MTHFD2L: variants seen among roughly 807,000 people sequenced by gnomAD.
MTHFD2L encodes the protein bifunctional methylenetetrahydrofolate dehydrogenase/cyclohydrolase 2, mitochondrial.
MTHFD2L carries 29 observed loss-of-function variants against 34.9 expected under a neutral mutation model. That is an observed-to-expected ratio of 0.83 (90% CI 0.62 to 1.13). The LOEUF is 1.13. MTHFD2L is among the 50% of genes most tolerant of loss of function. The pLI is 0.00. For synonymous variants in MTHFD2L, 167 were observed against 155.7 expected (o/e 1.07, Z -0.54); for missense variants, 481 against 446.5 (o/e 1.08, Z -0.70).
chr4:74,150,444 G>A (rs7687073), intron 1 of MTHFD2L, among the ~76,000 whole-genome samples: 3,630 of 152,270 alleles, frequency 0.024, 137 homozygotes, highest in African/African-American at 0.081. Context: ...AGTAGAGACG[G>A]TGTTTCTCTA....
At position 74,175,365 on chromosome 4, in the gene MTHFD2L, C is replaced by T; in HGVS notation, c.413C>T (p.Pro138Leu). Reference sequence around the variant, plus strand: ...GTAACTGATCAATTGAATATGGACCCAAGAGTCAGCGGTATATTAGTTCAG... The same window carrying T: ...GTAACTGATCAATTGAATATGGACCTAAGAGTCAGCGGTATATTAGTTCAG... The part of the protein sequence containing the change: ...LDVTDQLNMD[P>L]RVSGILVQLP... The change falls in exon 3 of 8, where the codon CCA (proline) becomes CTA (leucine). Residue 138 changes from proline (P) to leucine (L), a missense_variant. Physicochemically the swap from Pro to Leu is moderately conservative, Grantham distance 98 (BLOSUM62 -3). Transcript: ENST00000325278. 6.2e-7 allele frequency: 1 copy of T among 1,612,700 alleles called. No homozygotes were observed. The highest frequency in any genetic ancestry group is 8.5e-7 in the Non-Finnish European group (1 of 1,179,126).
At chr4:74,129,799 GT>G (rs534420972) in intron 1 of MTHFD2L, among the ~76,000 whole-genome samples, 3 of 151,534 alleles carry the variant, frequency 2.0e-5, no homozygotes, top group African/African-American at 4.8e-5. Context: ...TCCTGGAGCT[GT>G]TTTTTTTGAA....
At chr4:74,284,667 T>G (rs891461068) in intron 7 of MTHFD2L, among the ~76,000 whole-genome samples, 2 of 152,068 alleles carry the variant, frequency 1.3e-5, no homozygotes, top group African/African-American at 4.8e-5. Flanking sequence ...TCTTTTGCTG[T>G]GCAGAAGCTC....
At chr4:74,156,254 A>T (rs186471734), upstream of MTHFD2L, among the ~76,000 whole-genome samples, 19 of 152,224 alleles carry the variant, frequency 1.2e-4, no homozygotes, top group East Asian at 3.7e-3. Flanking sequence ...CTATCTTCTT[A>T]ACCTTTGGCA....
chr4:74,201,404 G>T (rs757410370), intron 5 of MTHFD2L, 34 bp downstream of exon 5: 5 of 1,470,812 alleles, frequency 3.4e-6, no homozygotes, highest in Admixed American at 1.8e-5. Flanking sequence ...ACACTCTCTC[G>T]CAGTATTCTT....
At chr4:74,239,341 G>A (rs958897735) in intron 6 of MTHFD2L, among the ~76,000 whole-genome samples, 6 of 152,000 alleles carry the variant, frequency 3.9e-5, no homozygotes, top group Admixed American at 1.3e-4. Flanking sequence ...GTCGTAGTTT[G>A]GGGGGGCAGA....
intron 6 of MTHFD2L, among the ~76,000 whole-genome samples, chr4:74,275,077 G>T (rs2110257827): frequency 6.6e-6 from 1 of 152,096 alleles, no homozygotes; most frequent in South Asian, 2.1e-4. Context: ...CCCTGCATAG[G>T]TTAGCTATTT....
chr4:74,300,071 A>G (rs1750105204), intron 7 of MTHFD2L, among the ~76,000 whole-genome samples: 1 of 152,066 alleles, frequency 6.6e-6, no homozygotes, highest in African/African-American at 2.4e-5. Context: ...TTGAATGGCT[A>G]TTGACCCATT....
upstream of MTHFD2L, among the ~76,000 whole-genome samples, chr4:74,155,920 A>C (rs1724213780): frequency 1.3e-5 from 2 of 152,128 alleles, no homozygotes; most frequent in Admixed American, 6.5e-5. Context: ...AAAAAAAAAA[A>C]AAAACACTTT....
At chr4:74,267,332 T>G in intron 6 of MTHFD2L, 2 of 657,722 alleles carry the variant, frequency 3.0e-6, no homozygotes, top group Non-Finnish European at 3.8e-6. Flanking sequence ...TCTCTCTTTC[T>G]TTCTTCCTTT....
intron 7 of MTHFD2L, among the ~76,000 whole-genome samples, chr4:74,283,243 G>A (rs1747725174): frequency 6.6e-6 from 1 of 151,934 alleles, no homozygotes; most frequent in Non-Finnish European, 1.5e-5. Flanking sequence ...GTATTTTTTT[G>A]GTCTCATGTC....
In MTHFD2L at chr4:74,200,085, A is replaced by G. The variant is rs559683536; in HGVS notation, c.604+139A>G. 1.1e-3 allele frequency: 743 copies of G among 672,342 alleles called. 17 individuals are homozygous for G. The South Asian group carries it at 0.021, about 19-fold the overall frequency. 41.6% of individuals were successfully genotyped at this position (672,342 alleles called of 1,614,324 possible). A position where few individuals can be genotyped will look rare whatever the true frequency, so the allele number is the denominator to read the frequency against. On this transcript the variant is annotated intron_variant, in intron 4 of 7. Coordinates refer to ENST00000325278, the MANE Select transcript of MTHFD2L (RefSeq NM_001144978.3). ...ATAAAACGTCAGTGTACAGAGAGAT[A>G]TAAAATTGTAGAAGTCAAAACATAA...
intron 6 of MTHFD2L, among the ~76,000 whole-genome samples, chr4:74,255,246 G>A (rs1163346091): frequency 1.3e-5 from 2 of 151,482 alleles, no homozygotes; most frequent in African/African-American, 2.4e-5. Flanking sequence ...AAGTTAAAGT[G>A]TAGAGGTTTT....
At chr4:74,229,501 T>G (rs1465611172) in intron 6 of MTHFD2L, among the ~76,000 whole-genome samples, 4 of 152,116 alleles carry the variant, frequency 2.6e-5, no homozygotes, top group Non-Finnish European at 5.9e-5. Flanking sequence ...GGAGGAGGAT[T>G]GCGTGATATA....
chr4:74,230,087 A>T (rs1299072061), intron 6 of MTHFD2L, among the ~76,000 whole-genome samples: 1 of 152,216 alleles, frequency 6.6e-6, no homozygotes, highest in Non-Finnish European at 1.5e-5. Flanking sequence ...TTTAGCCGAT[A>T]TAATCTAATT....
chr4:74,127,727 C>G (rs1722180250), intron 1 of MTHFD2L, among the ~76,000 whole-genome samples: 1 of 152,088 alleles, frequency 6.6e-6, no homozygotes, highest in African/African-American at 2.4e-5. Flanking sequence ...GCAGATACCT[C>G]TTTGATATAC....
chr4:74,290,246 A>C (rs1358789652), intron 7 of MTHFD2L, among the ~76,000 whole-genome samples: 2 of 152,190 alleles, frequency 1.3e-5, no homozygotes, highest in Non-Finnish European at 2.9e-5. Context: ...AATTACATAG[A>C]AGCTCAGTAT....
chr4:74,295,767 T>TAA (rs1375835528), intron 7 of MTHFD2L, among the ~76,000 whole-genome samples: 1 of 152,148 alleles, frequency 6.6e-6, no homozygotes. Flanking sequence ...CTGGCCTTCT[T>TAA]ACAGTGTTTC....
At chr4:74,151,164 T>C (rs1175856516) in intron 1 of MTHFD2L, among the ~76,000 whole-genome samples, 2 of 152,142 alleles carry the variant, frequency 1.3e-5, no homozygotes, top group African/African-American at 4.8e-5. Flanking sequence ...TTTATACAGT[T>C]AATGGTATTA....
Sources: allele counts gnomAD v4.1 joint callset (sites outside exome capture counted in the v4.1 genomes callset), GRCh38; gene constraint gnomAD v4.1.1; transcripts MANE v1.5; gene names NCBI Gene and HGNC (gene_info 2026-07-23, HGNC 2026-07-21).